The following THRB variants were observed in gnomAD, a reference collection of about 807,000 sequenced individuals.
THRB encodes the protein nuclear receptor subfamily 1 group A member 2.
THRB carries 12 observed loss-of-function variants against 47.8 expected under a neutral mutation model. That is an observed-to-expected ratio of 0.25 (90% CI 0.16 to 0.41). THRB has a LOEUF of 0.41. Among genes scored for constraint, THRB ranks in the 10% least tolerant of loss-of-function variants. The pLI is 1.00. For missense variants in THRB, 348 were observed against 589.2 expected, an observed-to-expected ratio of 0.59 and a Z score of 4.24; for synonymous variants, 218 against 212.2, an observed-to-expected ratio of 1.03 and a Z score of -0.24.
Position 24,273,826 on chromosome 3 carries a change from CTGAAT to C in THRB, c.-43+23395_-43+23399del, listed in dbSNP as rs531205731. Among the ~76,000 whole-genome samples the C allele has an allele frequency of 1.1e-3, 146 of 138,616 alleles. 1 individual carries two copies. Among genetic ancestry groups the C allele is most frequent in the African/African-American group, 3.4e-3 (132 of 38,272 alleles). 90.9% of individuals were successfully genotyped at this position (138,616 alleles called of 152,430 possible). On this transcript the variant is annotated intron_variant, in intron 3 of 10. Transcript: ENST00000646209. ...CCCTCAAAAACCCAAGCAAACAAAA[CTGAAT>C]TATTTCTGGCAAGGATTTTGGATAA...
intron 1 of THRB, among the ~76,000 whole-genome samples, chr3:24,397,996 A>G (rs2067103062): frequency 6.6e-6 from 1 of 152,174 alleles, no homozygotes; most frequent in African/African-American, 2.4e-5. Flanking sequence ...CTCTGCAAGA[A>G]AGTAAAAATA....
intron 1 of THRB, among the ~76,000 whole-genome samples, chr3:24,384,320 G>A (rs762821617): frequency 2.0e-5 from 3 of 152,064 alleles, no homozygotes; most frequent in African/African-American, 7.2e-5. Flanking sequence ...TAAGGGAGAC[G>A]ATCTTATCTA....
At chr3:24,205,334 G>A (rs1043710220) in intron 4 of THRB, among the ~76,000 whole-genome samples, 2 of 152,206 alleles carry the variant, frequency 1.3e-5, no homozygotes, top group Non-Finnish European at 2.9e-5. Flanking sequence ...CCAGAAGAGA[G>A]TGGGGGCCAT....
At chr3:24,242,592 T>A (rs1356344516) in intron 3 of THRB, among the ~76,000 whole-genome samples, 1 of 152,144 alleles carries the variant, frequency 6.6e-6, no homozygotes, top group East Asian at 1.9e-4. Context: ...TTAAACCTTA[T>A]TTTTTTCTCA....
rs147535033 is a variant in THRB, at chr3:24,126,219, C to CTGTT, written c.1144+1276_1144+1279dup. Among the ~76,000 whole-genome samples, 1,044 of 152,112 alleles carry CTGTT rather than the reference C, an allele frequency of 6.9e-3. 16 individuals are homozygous for CTGTT. The highest frequency in any genetic ancestry group is 0.024 in the African/African-American group (1,006 of 41,490). On this transcript the variant is annotated intron_variant, in intron 10 of 10. Coordinates refer to ENST00000646209, the MANE Select transcript of THRB (RefSeq NM_001354712.2). ...ACCAGACTGGGCAACATAGTGAGACCTGTTTCTCTCTACAAAACAATAAAA... is the reference window on the plus strand; with the variant it reads ...ACCAGACTGGGCAACATAGTGAGACCTGTTTGTTTCTCTCTACAAAACAATAAAA...
At chr3:24,470,194 T>C (rs1337106854) in intron 1 of THRB, among the ~76,000 whole-genome samples, 1 of 152,226 alleles carries the variant, frequency 6.6e-6, no homozygotes, top group Non-Finnish European at 1.5e-5. Flanking sequence ...AGACGCTAGA[T>C]AGGCACATTA....
At chr3:24,193,643 CAG>C (rs777752593) in intron 4 of THRB, among the ~76,000 whole-genome samples, 14 of 151,942 alleles carry the variant, frequency 9.2e-5, no homozygotes, top group Non-Finnish European at 1.8e-4. Flanking sequence ...AGTATTTACT[CAG>C]ATTGCAGGTA....
intron 2 of THRB, among the ~76,000 whole-genome samples, chr3:24,313,204 C>T (rs2057876926): frequency 6.6e-6 from 1 of 152,180 alleles, no homozygotes; most frequent in African/African-American, 2.4e-5. Flanking sequence ...AAGCTGTCAT[C>T]AGGTCCAGTC....
At chr3:24,225,166 A>G (rs57433870) in intron 4 of THRB, among the ~76,000 whole-genome samples, 17,363 of 152,122 alleles carry the variant, frequency 0.11, 1,413 homozygotes, top group African/African-American at 0.23. Context: ...ATTTTTAAAA[A>G]CCTGGGTTGT....
rs781709724 is a variant in THRB at position 24,357,346 on chromosome 3, CAAAAAAAAAAA to C, written c.-260-19986_-260-19976del. On this transcript the variant is annotated intron_variant, in intron 1 of 10. Coordinates refer to ENST00000646209, the MANE Select transcript of THRB (RefSeq NM_001354712.2). ...CCAGGACTGGAATCCTTGTCTCTCC[CAAAAAAAAAAA>C]AAAAAAAAAAAAAAAAACAAAAAAC... Among the ~76,000 whole-genome samples, 20 of 28,732 alleles carry C rather than the reference CAAAAAAAAAAA, an allele frequency of 7.0e-4. No individual in the cohort carries two copies. In the Admixed American group the frequency reaches 7.4e-3, roughly 11 times the overall value. The allele number at this position is 28,732 out of a possible 152,430, so 18.8% of individuals were successfully genotyped here. A position where few individuals can be genotyped will look rare whatever the true frequency, so the allele number is the denominator to read the frequency against.
At chr3:24,162,178 T>C (rs528745681) in intron 5 of THRB, among the ~76,000 whole-genome samples, 19 of 152,188 alleles carry the variant, frequency 1.2e-4, no homozygotes, top group Admixed American at 3.9e-4. Context: ...AGGATTTTTT[T>C]TTTTTTTTAA....
At chr3:24,182,303 T>C (rs534033363) in intron 5 of THRB, among the ~76,000 whole-genome samples, 3 of 152,320 alleles carry the variant, frequency 2.0e-5, no homozygotes, top group African/African-American at 7.2e-5. Flanking sequence ...GGAGATGTCC[T>C]GGGGAAGGGA....
At chr3:24,250,129 T>C (rs1323200068) in intron 3 of THRB, among the ~76,000 whole-genome samples, 1 of 152,094 alleles carries the variant, frequency 6.6e-6, no homozygotes, top group African/African-American at 2.4e-5. Context: ...AAAGAAGAAA[T>C]TAAAAGATCA....
chr3:24,182,484 C>T (rs1235449251), intron 5 of THRB, among the ~76,000 whole-genome samples: 2 of 152,148 alleles, frequency 1.3e-5, no homozygotes, highest in Non-Finnish European at 2.9e-5. Context: ...GTTCTGCCTG[C>T]GTCCGTAATA....
In THRB at chr3:24,489,254, GA is replaced by G. The variant is rs898701733; in HGVS notation, c.-261+5397del. ...AGACTCTGTCGCAAAAAAAAAATAA[GA>G]AAAAAAAAAGATTTAAACCACTATA... On this transcript the variant is annotated intron_variant, in intron 1 of 10. Coordinates refer to ENST00000646209, the MANE Select transcript of THRB (RefSeq NM_001354712.2). Among the ~76,000 whole-genome samples, 1,101 of 147,570 alleles carry G rather than the reference GA, an allele frequency of 7.5e-3. 9 individuals are homozygous for G. The highest frequency in any genetic ancestry group is 0.025 in the African/African-American group (1,023 of 40,154).
Position 24,269,442 on chromosome 3 carries a change from C to CACACAT in THRB, c.-43+27783_-43+27784insATGTGT, listed in dbSNP as rs58200122. ...ACACACACACACACACACACACACA[C>CACACAT]TTAAGTTATCTTCGCTGTGTTGTCC... is the stretch of plus-strand genomic sequence containing the variant. On this transcript the variant is annotated intron_variant, in intron 3 of 10. Transcript: ENST00000646209. Among the ~76,000 whole-genome samples the CACACAT allele has an allele frequency of 9.6e-4, 136 of 141,080 alleles. 1 individual carries two copies. The highest frequency in any genetic ancestry group is 3.5e-3 in the East Asian group (16 of 4,582). The allele number at this position is 141,080 out of a possible 152,430, so 92.6% of individuals were successfully genotyped here. A position where few individuals can be genotyped will look rare whatever the true frequency, so the allele number is the denominator to read the frequency against.
intron 2 of THRB, among the ~76,000 whole-genome samples, chr3:24,323,823 T>C (rs1311047414): frequency 2.0e-5 from 3 of 152,198 alleles, no homozygotes; most frequent in Non-Finnish European, 4.4e-5. Flanking sequence ...AATAAAGCAA[T>C]CAGTGGACCA....
chr3:24,171,572 C>T (rs185946417), intron 5 of THRB, among the ~76,000 whole-genome samples: 287 of 152,202 alleles, frequency 1.9e-3, no homozygotes, highest in African/African-American at 6.6e-3. Context: ...AGGTGGTAGC[C>T]GTTGAGGCCG....
chr3:24,354,409 C>T (rs2063542978), intron 1 of THRB, among the ~76,000 whole-genome samples: 1 of 152,152 alleles, frequency 6.6e-6, no homozygotes, highest in Non-Finnish European at 1.5e-5. Flanking sequence ...ACTTCAAATG[C>T]TATCACAAAT....
Sources: gnomAD v4.1 joint callset for allele counts (sites outside exome capture counted in the v4.1 genomes callset) on GRCh38, gnomAD v4.1.1 for gene constraint, MANE v1.5 for transcripts, NCBI Gene and HGNC (gene_info 2026-07-23, HGNC 2026-07-21) for gene names.